The following OARD1 variants were observed in gnomAD, a reference collection of about 807,000 sequenced individuals.
The protein encoded by OARD1 is O-acyl-ADP-ribose deacylase 1, also known as ADP-ribose glycohydrolase OARD1.
OARD1 carries 19 observed loss-of-function variants against 19.7 expected under a neutral mutation model. That is an observed-to-expected ratio of 0.96 (90% confidence interval 0.67 to 1.41). OARD1 has a LOEUF of 1.41. Ranked by LOEUF, OARD1 falls within the 40% of genes most tolerant of loss-of-function variation. The pLI is 0.00. For synonymous variants in OARD1, 70 were observed against 61.8 expected, an observed-to-expected ratio of 1.13 and a Z score of -0.62; for missense variants, 190 against 183.8, an observed-to-expected ratio of 1.03 and a Z score of -0.20.
intron 1 of OARD1, among the ~76,000 whole-genome samples, chr6:41,078,150 T>G (rs535131215): frequency 6.6e-6 from 1 of 152,308 alleles, no homozygotes; most frequent in African/African-American, 2.4e-5. Context: ...ATTCATCCAT[T>G]TTTTGATGCA....
chr6:41,094,388 C>T, intron 1 of OARD1: 7 of 1,610,698 alleles, frequency 4.3e-6, no homozygotes, highest in East Asian at 2.2e-5. Context: ...TTTTATTTCT[C>T]GTTTTAGAAA....
rs1763309752 is a variant in OARD1, at chr6:41,070,965, G to A, written c.184+167C>T. The A allele has an allele frequency of 1.2e-5, 8 of 685,764 alleles. No individual in the cohort carries two copies. The East Asian group carries it at 1.6e-4, about 14-fold the overall frequency. 42.5% of individuals were successfully genotyped at this position (685,764 alleles called of 1,614,324 possible). ...GATTAAAAACCTTCACAGGAGTTGGGTTTTGATATGGTAAACGTCTAAACT... is the reference window on the plus strand; with the variant it reads ...GATTAAAAACCTTCACAGGAGTTGGATTTTGATATGGTAAACGTCTAAACT... On this transcript the variant is annotated intron_variant, in intron 3 of 5. Coordinates refer to ENST00000424266, the MANE Select transcript of OARD1 (RefSeq NM_001329686.2).
intron 1 of OARD1, chr6:41,084,275 A>G (rs1763983515): frequency 1.4e-6 from 2 of 1,473,058 alleles, no homozygotes; most frequent in Non-Finnish European, 1.8e-6. Flanking sequence ...TTGATAATTG[A>G]TATTGCATTT....
chr6:41,074,290 G>A (rs1337589703), upstream of OARD1, among the ~76,000 whole-genome samples: 2 of 152,218 alleles, frequency 1.3e-5, no homozygotes, highest in African/African-American at 4.8e-5. Flanking sequence ...AGAGGTTGCT[G>A]TTGGCAACCA....
rs1376810754 is a variant in OARD1 at position 41,068,923 on chromosome 6, T to C, written c.274A>G (p.Thr92Ala). ...ITKKRASHKP[T>A]YENLQKSLEA... ...AAACTCTTCTGTAAGTTTTCATAAGTTGGCTTGTGCGAAGCCCTTTTCTTT... is the reference window on the plus strand; with the variant it reads ...AAACTCTTCTGTAAGTTTTCATAAGCTGGCTTGTGCGAAGCCCTTTTCTTT... The change falls in exon 5 of 6, where the codon ACT becomes GCT. Residue 92 changes from threonine to alanine, a missense_variant. Physicochemically the swap from Thr to Ala is moderately conservative, Grantham distance 58. Transcript: ENST00000424266. 2 of 1,609,716 alleles carry C rather than the reference T, an allele frequency of 1.2e-6. No homozygotes were observed. Among genetic ancestry groups the C allele is most frequent in the African/African-American group, 2.7e-5 (2 of 74,790 alleles).
chr6:41,083,088 A>C (rs1233664060), intron 1 of OARD1, among the ~76,000 whole-genome samples: 1 of 152,254 alleles, frequency 6.6e-6, no homozygotes, highest in Admixed American at 6.5e-5. Context: ...ATTTCTGTCA[A>C]AGATAGAGTC....
chr6:41,079,357 T>G (rs977235392), intron 1 of OARD1, among the ~76,000 whole-genome samples: 5 of 152,226 alleles, frequency 3.3e-5, no homozygotes, highest in Admixed American at 6.5e-5. Context: ...GGGTGCCTGG[T>G]TATAGTAAAT....
At chr6:41,088,439 A>G (rs1309875249) in intron 1 of OARD1, among the ~76,000 whole-genome samples, 1 of 151,732 alleles carries the variant, frequency 6.6e-6, no homozygotes, top group African/African-American at 2.4e-5. Flanking sequence ...AAAAAAAAAA[A>G]AAAAAATTTA....
chr6:41,071,066 T>G, intron 3 of OARD1, 66 bp downstream of exon 3: 7 of 1,486,282 alleles, frequency 4.7e-6, no homozygotes, highest in Non-Finnish European at 6.6e-6. Context: ...CATATTTTAT[T>G]AAAGTGTAAC....
chr6:41,081,382 T>C (rs1046662545), intron 1 of OARD1, among the ~76,000 whole-genome samples: 2 of 151,556 alleles, frequency 1.3e-5, no homozygotes, highest in African/African-American at 4.9e-5. Context: ...CCCAGCTACT[T>C]GGGAGGCTGG....
At chr6:41,097,293 G>A (rs1764386155) in intron 1 of OARD1, 1 of 1,465,118 alleles carries the variant, frequency 6.8e-7, no homozygotes, top group Non-Finnish European at 9.6e-7. Flanking sequence ...GATAAGTAGT[G>A]AGAGCCATGA....
intron 1 of OARD1, among the ~76,000 whole-genome samples, chr6:41,086,766 A>G (rs1174431502): frequency 1.3e-5 from 2 of 152,190 alleles, no homozygotes; most frequent in African/African-American, 4.8e-5. Context: ...GTTGGCATAT[A>G]ATAAAAGTGG....
At chr6:41,082,984 T>C (rs1229449396) in intron 1 of OARD1, among the ~76,000 whole-genome samples, 1 of 152,206 alleles carries the variant, frequency 6.6e-6, no homozygotes, top group Non-Finnish European at 1.5e-5. Flanking sequence ...AACCTACTCA[T>C]CTAGGACAGA....
At position 41,068,855 on chromosome 6, in the gene OARD1, G is replaced by A. The variant is rs764473102; in HGVS notation, c.342C>T (p.Asp114=). Residue 114 remains aspartate (D), a synonymous_variant, in exon 5 of 6, where the codon GAC becomes GAT. Transcript: ENST00000424266. ...KSHCLKNGVT[D]LSMPRIGCGL... is the part of the protein sequence containing the mutation. ...GATTTCCTTGCCTGGGCATGGAGAG[G>A]TCAGTGACTCCATTCTTCAGACAAT... 3.2e-6 allele frequency: 5 copies of A among 1,578,310 alleles called. No individual in the cohort carries two copies. In the Admixed American group the frequency reaches 5.1e-5, roughly 16 times the overall value.
chr6:41,074,271 C>G (rs962227765), upstream of OARD1, among the ~76,000 whole-genome samples: 1 of 152,118 alleles, frequency 6.6e-6, no homozygotes, highest in Non-Finnish European at 1.5e-5. Flanking sequence ...TGGGGTTTTC[C>G]TTAGGGTGAG....
chr6:41,092,612 T>C (rs1282466542), intron 1 of OARD1, among the ~76,000 whole-genome samples: 1 of 152,224 alleles, frequency 6.6e-6, no homozygotes, highest in Non-Finnish European at 1.5e-5. Context: ...TTATGACTAC[T>C]GTTCCTGACC....
intron 1 of OARD1, among the ~76,000 whole-genome samples, chr6:41,095,397 G>A (rs978212683): frequency 5.3e-5 from 8 of 152,072 alleles, no homozygotes; most frequent in Non-Finnish European, 7.4e-5. Flanking sequence ...CTCCCTATCT[G>A]TTAGGTCTGG....
chr6:41,090,338 CT>C (rs1402677709), intron 1 of OARD1: 7 of 1,500,362 alleles, frequency 4.7e-6, no homozygotes, highest in Non-Finnish European at 5.6e-6. Context: ...TTCCCTAGGA[CT>C]TTTTGGGGCA....
intron 1 of OARD1, among the ~76,000 whole-genome samples, chr6:41,080,350 G>A (rs1005089768): frequency 4.6e-5 from 7 of 151,992 alleles, no homozygotes; most frequent in Non-Finnish European, 1.0e-4. Flanking sequence ...GAGCATTGAC[G>A]TCATGAAGAT....
Sources: allele counts gnomAD v4.1 joint callset (sites outside exome capture counted in the v4.1 genomes callset), GRCh38; gene constraint gnomAD v4.1.1; transcripts MANE v1.5; gene names NCBI Gene and HGNC (gene_info 2026-07-23, HGNC 2026-07-21).